The following ZSWIM6 variants were observed in gnomAD, a reference collection of about 807,000 sequenced individuals.
ZSWIM6 encodes zinc finger SWIM domain-containing protein 6.
Under a neutral mutation model 113.2 loss-of-function variants are expected in ZSWIM6, and 9 were observed. The observed-to-expected ratio is 0.08, with a 90% CI of 0.05 to 0.14. The LOEUF (loss-of-function observed/expected upper bound fraction) is 0.14. Among genes scored for constraint, ZSWIM6 ranks in the 10% least tolerant of loss-of-function variants. ZSWIM6 has a pLI of 1.00. For synonymous variants in ZSWIM6, 611 were observed against 606.5 expected, an observed-to-expected ratio of 1.01 and a Z score of -0.11; for missense variants, 1,162 against 1,552.2, an observed-to-expected ratio of 0.75 and a Z score of 4.22.
At chr5:61,447,698 G>A (rs956711771) in intron 1 of ZSWIM6, among the ~76,000 whole-genome samples, 1 of 152,130 alleles carries the variant, frequency 6.6e-6, no homozygotes, top group Non-Finnish European at 1.5e-5. Context: ...TTCAGGTCAG[G>A]GAATCAAAAT....
chr5:61,526,999 A>G (rs1376338263), intron 7 of ZSWIM6, among the ~76,000 whole-genome samples: 1 of 152,238 alleles, frequency 6.6e-6, no homozygotes, highest in Non-Finnish European at 1.5e-5. Context: ...TACTATATTT[A>G]CTTAAAGTGA....
intron 1 of ZSWIM6, among the ~76,000 whole-genome samples, chr5:61,392,354 C>T (rs991128769): frequency 2.0e-5 from 3 of 152,082 alleles, no homozygotes; most frequent in Non-Finnish European, 4.4e-5. Flanking sequence ...TATGCCTGTT[C>T]TGGAATATGT....
At chr5:61,474,647 C>G (rs1747662059) in intron 2 of ZSWIM6, among the ~76,000 whole-genome samples, 1 of 152,176 alleles carries the variant, frequency 6.6e-6, no homozygotes, top group Non-Finnish European at 1.5e-5. Flanking sequence ...TGCAAGTGCT[C>G]AGTAGCCACA....
intron 1 of ZSWIM6, among the ~76,000 whole-genome samples, chr5:61,433,412 TCTGTAGTATA>T (rs1746626779): frequency 6.6e-6 from 1 of 152,006 alleles, no homozygotes; most frequent in African/African-American, 2.4e-5. Flanking sequence ...TAACTTTGGA[TCTGTAGTATA>T]TAATAGCTTA....
At chr5:61,503,427 T>G (rs767316583) in intron 4 of ZSWIM6, among the ~76,000 whole-genome samples, 1 of 152,212 alleles carries the variant, frequency 6.6e-6, no homozygotes, top group Non-Finnish European at 1.5e-5. Context: ...CAAAATTTGC[T>G]TCAGCAAACC....
At chr5:61,395,816 A>G (rs1745825931) in intron 1 of ZSWIM6, among the ~76,000 whole-genome samples, 1 of 152,214 alleles carries the variant, frequency 6.6e-6, no homozygotes, top group African/African-American at 2.4e-5. Context: ...TTATTTTTCT[A>G]CAAAATTATT....
rs1268011723 is a variant in ZSWIM6 at position 61,498,624 on chromosome 5, A to G, written c.1333+4214A>G. 2.6e-5 allele frequency among the ~76,000 whole-genome samples: 4 copies of G among 152,196 alleles called. No homozygotes were observed. The East Asian group carries it at 5.8e-4, about 22-fold the overall frequency. On this transcript the variant is annotated intron_variant, in intron 4 of 13. Coordinates refer to ENST00000252744, the MANE Select transcript of ZSWIM6 (RefSeq NM_020928.2). ...TAGAGTAAATCTAACTATGTTTGGC[A>G]GTAGAGAACACAGCCTACCCTTTGA...
At chr5:61,414,906 A>G (rs918343210) in intron 1 of ZSWIM6, among the ~76,000 whole-genome samples, 1 of 152,228 alleles carries the variant, frequency 6.6e-6, no homozygotes, top group Non-Finnish European at 1.5e-5. Context: ...GCCTTGCACC[A>G]TCTAATCCCT....
In ZSWIM6 at chr5:61,332,908, G is replaced by A. The variant is rs565326403; in HGVS notation, c.636G>A (p.Ala212=). The change falls in exon 1 of 14, where the codon GCG becomes GCA. Residue 212 remains alanine, a synonymous_variant. Coordinates refer to ENST00000252744, the MANE Select transcript of ZSWIM6 (RefSeq NM_020928.2). ...ETRLPFRRGI[A]LLESGCVDNV... ...GGCTGCCTTTCCGCCGGGGCATCGCGCTGTTGGAAAGCGGCTGCGTAGACA... is the reference window on the plus strand; with the variant it reads ...GGCTGCCTTTCCGCCGGGGCATCGCACTGTTGGAAAGCGGCTGCGTAGACA... 136 of 1,358,794 alleles carry A rather than the reference G, an allele frequency of 1.0e-4. No individual in the cohort carries two copies. In the South Asian group the frequency reaches 2.0e-3, roughly 20 times the overall value. 84.2% of individuals were successfully genotyped at this position (1,358,794 alleles called of 1,614,324 possible).
intron 1 of ZSWIM6, among the ~76,000 whole-genome samples, chr5:61,399,097 AT>A (rs1200013223): frequency 6.6e-6 from 1 of 150,388 alleles, no homozygotes; most frequent in Non-Finnish European, 1.5e-5. Context: ...TAATTCTTGT[AT>A]TTTTTTAGTA....
intron 1 of ZSWIM6, among the ~76,000 whole-genome samples, chr5:61,410,382 T>C (rs557263864): frequency 3.2e-4 from 48 of 149,782 alleles, no homozygotes; most frequent in African/African-American, 1.1e-3. Context: ...CGATCTCGGC[T>C]CACTGCAACC....
intron 1 of ZSWIM6, among the ~76,000 whole-genome samples, chr5:61,462,799 C>T (rs1174051272): frequency 6.6e-6 from 1 of 152,112 alleles, no homozygotes; most frequent in African/African-American, 2.4e-5. Flanking sequence ...GTATTATTAT[C>T]CCTTTTTATA....
chr5:61,440,147 A>C (rs1467807545), intron 1 of ZSWIM6, among the ~76,000 whole-genome samples: 1 of 152,132 alleles, frequency 6.6e-6, no homozygotes, highest in Non-Finnish European at 1.5e-5. Context: ...GAGTATATTA[A>C]GTATACAAAA....
rs1487697199 is a variant in ZSWIM6, at chr5:61,468,689, G to A, written c.677-3992G>A. The stretch of plus-strand genomic sequence containing the variant: ...ATGACCAGCAGGGGGATGTTTTACA[G>A]CCTTCTTGGGATTATTGAGGGAGGA... On this transcript the variant is annotated intron_variant, in intron 1 of 13. Coordinates refer to ENST00000252744, the MANE Select transcript of ZSWIM6 (RefSeq NM_020928.2). 3.3e-5 allele frequency among the ~76,000 whole-genome samples: 5 copies of A among 152,144 alleles called. No homozygotes were observed. In the East Asian group the frequency reaches 7.7e-4, roughly 23 times the overall value.
chr5:61,358,890 A>G (rs1744975033), intron 1 of ZSWIM6, among the ~76,000 whole-genome samples: 1 of 152,218 alleles, frequency 6.6e-6, no homozygotes, highest in African/African-American at 2.4e-5. Context: ...AATTGTAGAT[A>G]AGCTGCTAAC....
intron 2 of ZSWIM6, among the ~76,000 whole-genome samples, chr5:61,480,781 T>C (rs1295664533): frequency 6.6e-6 from 1 of 152,200 alleles, no homozygotes; most frequent in Non-Finnish European, 1.5e-5. Flanking sequence ...TAAAGTTTGT[T>C]GTCTTGCCTT....
chr5:61,513,128 T>C (rs1748832910), intron 4 of ZSWIM6, among the ~76,000 whole-genome samples: 2 of 152,084 alleles, frequency 1.3e-5, no homozygotes, highest in African/African-American at 4.8e-5. Flanking sequence ...TTCCTATTCA[T>C]CTCTTCCTGC....
intron 4 of ZSWIM6, among the ~76,000 whole-genome samples, chr5:61,504,509 A>G (rs10223052): frequency 0.73 from 110,808 of 152,116 alleles, 41,750 homozygotes; most frequent in African/African-American, 0.93. Context: ...ACCCATCATA[A>G]GTTCTTTCTG....
chr5:61,522,122 C>T (rs374779863), intron 5 of ZSWIM6, among the ~76,000 whole-genome samples: 12 of 145,454 alleles, frequency 8.3e-5, no homozygotes, highest in African/African-American at 2.3e-4. Context: ...TTTTTTTTAG[C>T]TTCTCCCTCT....
Sources: allele counts gnomAD v4.1 joint callset (sites outside exome capture counted in the v4.1 genomes callset), GRCh38; gene constraint gnomAD v4.1.1; transcripts MANE v1.5; gene names NCBI Gene and HGNC (gene_info 2026-07-23, HGNC 2026-07-21).